Variants in R3HCC1L observed in about 807,000 individuals in gnomAD.
R3HCC1L encodes the protein coiled-coil domain-containing protein R3HCC1L.
In R3HCC1L, 51 loss-of-function variants were observed where a neutral mutation model predicts 59.9. The ratio of observed to expected loss-of-function variants is 0.85; its 90% CI spans 0.68 to 1.07. The LOEUF is 1.07. R3HCC1L is among the 50% of genes least tolerant of loss of function. The probability of loss-of-function intolerance (pLI) is 0.00; values close to 1 mark genes in which losing one functional copy is unlikely to be tolerated. For missense variants in R3HCC1L, 965 were observed against 933.0 expected, an observed-to-expected ratio of 1.03 and a Z score of -0.45; for synonymous variants, 322 against 315.2, an observed-to-expected ratio of 1.02 and a Z score of -0.23.
chr10:98,219,894 T>C (rs1854666090), intron 5 of R3HCC1L, among the ~76,000 whole-genome samples: 2 of 152,206 alleles, frequency 1.3e-5, no homozygotes, highest in African/African-American at 4.8e-5. Context: ...TGGGAATCTT[T>C]GAGCTTCCTA....
At chr10:98,152,262 T>C (rs949825365) in intron 1 of R3HCC1L, among the ~76,000 whole-genome samples, 3 of 152,210 alleles carry the variant, frequency 2.0e-5, no homozygotes, top group African/African-American at 7.2e-5. Context: ...GTGCTCAATG[T>C]TGCCCAGGCT....
chr10:98,207,819 G>C (rs1472796361), intron 4 of R3HCC1L, among the ~76,000 whole-genome samples: 1 of 151,948 alleles, frequency 6.6e-6, no homozygotes, highest in Non-Finnish European at 1.5e-5. Flanking sequence ...GACCAGCCTA[G>C]GCAACATGAT....
intron 5 of R3HCC1L, among the ~76,000 whole-genome samples, chr10:98,211,822 TGGAAGAGGG>T (rs1171637848): frequency 1.3e-5 from 2 of 152,072 alleles, no homozygotes; most frequent in African/African-American, 4.8e-5. Flanking sequence ...GCTTGTGTAT[TGGAAGAGGG>T]GGAGTTCAGG....
chr10:98,159,929 T>C (rs748976162), intron 2 of R3HCC1L, among the ~76,000 whole-genome samples: 27 of 152,192 alleles, frequency 1.8e-4, no homozygotes, highest in Non-Finnish European at 2.8e-4. Context: ...GAAATAGGTA[T>C]ATGTGAGAGG....
At chr10:98,188,355 A>G (rs1397485679) in intron 4 of R3HCC1L, among the ~76,000 whole-genome samples, 1 of 152,182 alleles carries the variant, frequency 6.6e-6, no homozygotes, top group African/African-American at 2.4e-5. Context: ...TACTCAAGGA[A>G]TATTTATTGA....
intron 9 of R3HCC1L, among the ~76,000 whole-genome samples, chr10:98,243,765 G>A (rs1857787693): frequency 6.6e-6 from 1 of 152,158 alleles, no homozygotes. Flanking sequence ...TTGTGTTGAA[G>A]CACTAAACAT....
chr10:98,194,058 G>A (rs1293087778), intron 4 of R3HCC1L, among the ~76,000 whole-genome samples: 2 of 152,036 alleles, frequency 1.3e-5, no homozygotes, highest in East Asian at 3.9e-4. Flanking sequence ...AAAGCTGGAG[G>A]CCTCACACTT....
At chr10:98,140,365 G>A (rs377460973) in intron 1 of R3HCC1L, among the ~76,000 whole-genome samples, 1 of 152,142 alleles carries the variant, frequency 6.6e-6, no homozygotes, top group South Asian at 2.1e-4. Context: ...GGATAACTGG[G>A]GGAGAGACGG....
chr10:98,159,664 T>C (rs1291423115), intron 2 of R3HCC1L, among the ~76,000 whole-genome samples: 1 of 152,226 alleles, frequency 6.6e-6, no homozygotes, highest in Non-Finnish European at 1.5e-5. Context: ...TTATTTATAA[T>C]AGTACTTTAT....
At chr10:98,181,504 CTCT>C (rs1849618817) in intron 4 of R3HCC1L, among the ~76,000 whole-genome samples, 2 of 152,094 alleles carry the variant, frequency 1.3e-5, no homozygotes, top group Admixed American at 1.3e-4. Context: ...CTTGGGGTTG[CTCT>C]TCTTGAGGAG....
chr10:98,232,523 T>G (rs1856512099), intron 6 of R3HCC1L, among the ~76,000 whole-genome samples: 1 of 152,162 alleles, frequency 6.6e-6, no homozygotes, highest in Non-Finnish European at 1.5e-5. Flanking sequence ...AAAAATAAGC[T>G]TCAGGAATAA....
intron 4 of R3HCC1L, among the ~76,000 whole-genome samples, chr10:98,183,192 A>G (rs994939697): frequency 6.6e-6 from 1 of 152,122 alleles, no homozygotes; most frequent in African/African-American, 2.4e-5. Flanking sequence ...AAGGCTGAAC[A>G]TTTTTTATTT....
intron 9 of R3HCC1L, among the ~76,000 whole-genome samples, chr10:98,238,975 G>A (rs1297973931): frequency 2.0e-5 from 3 of 152,096 alleles, no homozygotes; most frequent in Non-Finnish European, 2.9e-5. Context: ...TAAAGATTAG[G>A]GGCAGATTGT....
intron 1 of R3HCC1L, among the ~76,000 whole-genome samples, chr10:98,154,358 A>G (rs570275802): frequency 6.6e-6 from 1 of 152,066 alleles, no homozygotes; most frequent in Non-Finnish European, 1.5e-5. Context: ...GTGTGTGCAG[A>G]TATATATTGC....
rs761153974 is a variant in R3HCC1L, at chr10:98,234,527, A to G, written c.2032+11A>G. The G allele has an allele frequency of 2.4e-5, 39 of 1,604,036 alleles. No homozygotes were observed. The East Asian group carries it at 8.7e-4, about 36-fold the overall frequency. The stretch of plus-strand genomic sequence containing the variant: ...CCAGTCCAATTACAGGTATTCACCC[A>G]GTGGCTTTCAATCTTCCTTTCTTAT... On this transcript the variant is annotated intron_variant, in intron 7 of 9. Transcript: ENST00000298999.
chr10:98,166,423 C>A (rs1195305377), intron 4 of R3HCC1L, among the ~76,000 whole-genome samples: 1 of 152,166 alleles, frequency 6.6e-6, no homozygotes, highest in Non-Finnish European at 1.5e-5. Context: ...CTGTAAGTCT[C>A]CAAAATAACA....
intron 6 of R3HCC1L, among the ~76,000 whole-genome samples, chr10:98,233,402 A>G (rs1285025594): frequency 1.3e-5 from 2 of 152,212 alleles, no homozygotes; most frequent in Non-Finnish European, 2.9e-5. Context: ...AAATATTAAT[A>G]TTGATGAACA....
At position 98,236,024 on chromosome 10, in the gene R3HCC1L, A is replaced by T. The variant is rs1424402513; in HGVS notation, c.2129A>T (p.Glu710Val). 5 of 1,612,796 alleles carry T rather than the reference A, an allele frequency of 3.1e-6. No homozygotes were observed. In the Admixed American group the frequency reaches 5.0e-5, roughly 16 times the overall value. The change falls in exon 9 of 10, where the codon GAG becomes GTG. Residue 710 changes from glutamate to valine, a missense_variant and splice_region_variant. By Grantham distance (121) the Glu-to-Val change is moderately radical. Coordinates refer to ENST00000298999, the MANE Select transcript of R3HCC1L (RefSeq NM_001351015.2). The stretch of plus-strand genomic sequence containing the variant: ...TACTCCCTTCCTTTCTTCGATTCAG[A>T]GTTCCTCCAGCCAGCAAAGGAGCGT... ...AAKAKARAYA[E>V]FLQPAKERPE...
chr10:98,202,516 G>A (rs11189510), intron 4 of R3HCC1L, among the ~76,000 whole-genome samples: 19,023 of 151,960 alleles, frequency 0.13, 1,235 homozygotes, highest in Middle Eastern at 0.17. Context: ...GTCTCATCAC[G>A]GGAAGACATC....
Sources: gnomAD v4.1 joint callset for allele counts (sites outside exome capture counted in the v4.1 genomes callset) on GRCh38, gnomAD v4.1.1 for gene constraint, MANE v1.5 for transcripts, NCBI Gene and HGNC (gene_info 2026-07-23, HGNC 2026-07-21) for gene names.